PPP2R2C: variants seen among roughly 807,000 people sequenced by gnomAD.
PPP2R2C encodes protein phosphatase 2, regulatory subunit B, gamma.
A neutral mutation model predicts 45.3 loss-of-function variants in PPP2R2C; 10 were observed. The ratio of observed to expected loss-of-function variants is 0.22; its 90% CI spans 0.14 to 0.37. PPP2R2C has a LOEUF of 0.37. Ranked by LOEUF, PPP2R2C falls within the 10% of genes least tolerant of loss-of-function variation. The probability of loss-of-function intolerance (pLI) is 1.00; values close to 1 mark genes in which losing one functional copy is unlikely to be tolerated. For missense variants in PPP2R2C, 308 were observed against 619.7 expected (o/e 0.50, Z 5.34); for synonymous variants, 257 against 245.4 (o/e 1.05, Z -0.44).
chr4:6,553,307 G>A (rs975842899), intron 1 of PPP2R2C, among the ~76,000 whole-genome samples: 3 of 152,264 alleles, frequency 2.0e-5, no homozygotes, highest in African/African-American at 7.2e-5. Flanking sequence ...CACAGGTGAT[G>A]CAGCCTCCAG....
chr4:6,533,620 G>A (rs971538103), intron 2 of PPP2R2C, among the ~76,000 whole-genome samples: 2 of 152,184 alleles, frequency 1.3e-5, no homozygotes, highest in African/African-American at 4.8e-5. Flanking sequence ...GGGACCGTAA[G>A]TCTGCAGTTG....
intron 1 of PPP2R2C, among the ~76,000 whole-genome samples, chr4:6,454,349 G>A (rs1483062152): frequency 6.6e-6 from 1 of 152,192 alleles, no homozygotes; most frequent in Non-Finnish European, 1.5e-5. Context: ...ACTAAATGAA[G>A]GTGACACAAT....
intron 5 of PPP2R2C, among the ~76,000 whole-genome samples, chr4:6,356,404 G>A (rs376446544): frequency 6.6e-5 from 10 of 152,220 alleles, no homozygotes; most frequent in Non-Finnish European, 1.3e-4. Context: ...GGGACAAGGA[G>A]AGAAGGGTCA....
intron 6 of PPP2R2C, among the ~76,000 whole-genome samples, chr4:6,338,257 A>C (rs75659728): frequency 0.018 from 2,800 of 152,270 alleles, 96 homozygotes; most frequent in African/African-American, 0.063. Flanking sequence ...GAGAGCTCTC[A>C]ATCAGCCGAA....
intron 2 of PPP2R2C, among the ~76,000 whole-genome samples, chr4:6,496,206 C>A (rs1229839108): frequency 6.6e-6 from 1 of 152,214 alleles, no homozygotes; most frequent in Non-Finnish European, 1.5e-5. Context: ...ACAGTTACTG[C>A]AAATTAGATC....
Position 6,362,566 on chromosome 4 carries a change from G to A in PPP2R2C, c.625+9957C>T, listed in dbSNP as rs546150664. ...ACCTAAAGCAAGAACCAAGAAATACGGCTGTCTCAACAAAGCTGGGCAGGC... is the reference window on the plus strand; with the variant it reads ...ACCTAAAGCAAGAACCAAGAAATACAGCTGTCTCAACAAAGCTGGGCAGGC... On this transcript the variant is annotated intron_variant, in intron 5 of 8. Coordinates refer to ENST00000382599, the MANE Select transcript of PPP2R2C (RefSeq NM_020416.4). Among the ~76,000 whole-genome samples the A allele has an allele frequency of 1.1e-3, 175 of 152,272 alleles. 2 individuals carry two copies. The highest frequency in any genetic ancestry group is 3.9e-3 in the African/African-American group (164 of 41,562).
chr4:6,519,747 G>T (rs1237905376), intron 2 of PPP2R2C, among the ~76,000 whole-genome samples: 1 of 152,206 alleles, frequency 6.6e-6, no homozygotes, highest in East Asian at 1.9e-4. Flanking sequence ...CCCTCTTCCA[G>T]GCAATACTGA....
intron 8 of PPP2R2C, among the ~76,000 whole-genome samples, chr4:6,325,901 G>GCCAC (rs71173432): frequency 0.063 from 9,557 of 152,290 alleles, 392 homozygotes; most frequent in South Asian, 0.11. Context: ...TCCTGCCCTC[G>GCCAC]CCACCCGTGG....
intron 5 of PPP2R2C, among the ~76,000 whole-genome samples, chr4:6,371,302 C>T (rs1488151100): frequency 6.6e-6 from 1 of 152,242 alleles, no homozygotes; most frequent in Non-Finnish European, 1.5e-5. Flanking sequence ...TTCCAAGGGT[C>T]TCCCTGCCCA....
intron 1 of PPP2R2C, among the ~76,000 whole-genome samples, chr4:6,458,771 T>A (rs558984084): frequency 7.5e-4 from 114 of 152,188 alleles, no homozygotes; most frequent in Non-Finnish European, 1.5e-3. Flanking sequence ...TACTGACACG[T>A]TGTGGGATGG....
intron 1 of PPP2R2C, among the ~76,000 whole-genome samples, chr4:6,412,668 C>A (rs1202766588): frequency 6.6e-6 from 1 of 152,164 alleles, no homozygotes; most frequent in Non-Finnish European, 1.5e-5. Context: ...TGCAGCCCTG[C>A]AGGGAGAAGG....
intron 6 of PPP2R2C, among the ~76,000 whole-genome samples, chr4:6,347,351 C>T (rs1242463674): frequency 6.6e-6 from 1 of 152,114 alleles, no homozygotes; most frequent in African/African-American, 2.4e-5. Flanking sequence ...TGTGGGACCC[C>T]CACAGCAGGC....
intron 2 of PPP2R2C, among the ~76,000 whole-genome samples, chr4:6,527,471 C>T (rs936068610): frequency 2.2e-5 from 3 of 136,956 alleles, no homozygotes; most frequent in Non-Finnish European, 4.7e-5. Context: ...CCTCTGTGGC[C>T]AAGGTGCATG....
At chr4:6,483,132 T>C (rs1038970452) in intron 2 of PPP2R2C, among the ~76,000 whole-genome samples, 6 of 99,066 alleles carry the variant, frequency 6.1e-5, no homozygotes, top group Admixed American at 1.9e-4. Context: ...GATAGATAGA[T>C]AGATAGATAG....
chr4:6,501,703 A>G (rs1362929068), intron 2 of PPP2R2C, among the ~76,000 whole-genome samples: 3 of 152,158 alleles, frequency 2.0e-5, no homozygotes, highest in Admixed American at 6.5e-5. Flanking sequence ...CATTTTACAG[A>G]CGAAGAAGCC....
At chr4:6,542,423 G>A (rs1055170100) in intron 1 of PPP2R2C, among the ~76,000 whole-genome samples, 9 of 152,150 alleles carry the variant, frequency 5.9e-5, no homozygotes, top group African/African-American at 9.7e-5. Flanking sequence ...GGTTGGGCGC[G>A]GTGGCTCACG....
At chr4:6,410,877 ATTTATT>A (rs1439947954) in intron 1 of PPP2R2C, among the ~76,000 whole-genome samples, 1 of 147,040 alleles carries the variant, frequency 6.8e-6, no homozygotes, top group African/African-American at 2.6e-5. Flanking sequence ...TTATTTATTT[ATTTATT>A]TATTAGACAG....
At chr4:6,492,604 G>A (rs947768446) in intron 2 of PPP2R2C, among the ~76,000 whole-genome samples, 2 of 152,186 alleles carry the variant, frequency 1.3e-5, no homozygotes, top group Non-Finnish European at 2.9e-5. Context: ...GATCAGTTCT[G>A]GAGCCCTCTG....
chr4:6,338,370 G>A (rs1056133822), intron 6 of PPP2R2C, among the ~76,000 whole-genome samples: 8 of 152,208 alleles, frequency 5.3e-5, no homozygotes, highest in African/African-American at 1.2e-4. Flanking sequence ...GGTGTTGCAC[G>A]GTGTTGTGGC....
Sources: allele counts gnomAD v4.1 joint callset (sites outside exome capture counted in the v4.1 genomes callset), GRCh38; gene constraint gnomAD v4.1.1; transcripts MANE v1.5; gene names NCBI Gene and HGNC (gene_info 2026-07-23, HGNC 2026-07-21).